Variants in TRIM61 observed in about 807,000 individuals in gnomAD.
The protein encoded by TRIM61 is putative tripartite motif-containing protein 61.
A neutral mutation model predicts 14.2 loss-of-function variants in TRIM61; 1 was observed. The ratio of observed to expected loss-of-function variants is 0.07; its 90% CI spans 0.03 to 0.33. The LOEUF (loss-of-function observed/expected upper bound fraction) is 0.33. Among genes scored for constraint, TRIM61 ranks in the 10% least tolerant of loss-of-function variants. TRIM61 has a pLI of 0.99. For missense variants in TRIM61, 19 were observed against 202.2 expected (o/e 0.09, Z 5.49); for synonymous variants, 8 against 71.6 (o/e 0.11, Z 4.49).
At chr4:164,971,139 T>C (rs1732356271) in intron 2 of TRIM61, among the ~76,000 whole-genome samples, 1 of 152,102 alleles carries the variant, frequency 6.6e-6, no homozygotes, top group East Asian at 1.9e-4. Context: ...AATATGAGAT[T>C]CTTAGTATGG....
chr4:164,975,803 G>A (rs1444343820), intron 2 of TRIM61, among the ~76,000 whole-genome samples: 4 of 152,194 alleles, frequency 2.6e-5, no homozygotes, highest in East Asian at 1.9e-4. Context: ...CCTGACACCC[G>A]TAAAGGGTCT....
At chr4:164,975,230 TA>T (rs879503925) in intron 2 of TRIM61, among the ~76,000 whole-genome samples, 439 of 133,094 alleles carry the variant, frequency 3.3e-3, no homozygotes, top group Non-Finnish European at 3.1e-3. Flanking sequence ...AACTCCATCT[TA>T]AAAAAAAAAA....
At chr4:164,957,163 T>A in intron 3 of TRIM61, 2 of 1,611,854 alleles carry the variant, frequency 1.2e-6, no homozygotes, top group Non-Finnish European at 1.7e-6. Flanking sequence ...ACAGACCTTA[T>A]ACGCTGACCG....
chr4:164,961,211 A>G (rs943898703), intron 3 of TRIM61, among the ~76,000 whole-genome samples: 1 of 139,692 alleles, frequency 7.2e-6, no homozygotes, highest in Non-Finnish European at 1.6e-5. Context: ...AAATAACAAT[A>G]ATTGATATGT....
rs2111128747 is a variant in TRIM61, at chr4:164,956,874, A to G, written c.526-1778T>C. On this transcript the variant is annotated intron_variant, in intron 3 of 4. Transcript: ENST00000329314. ...CCCCAAGCACTGCAGCGTTTCTCCC[A>G]GGAGGCTGGGCGAGTCCGTAGCGGA... The G allele has an allele frequency of 3.9e-6, 3 of 771,806 alleles. No individual in the cohort carries two copies. In the South Asian group the frequency reaches 5.6e-5, roughly 14 times the overall value. The allele number at this position is 771,806 out of a possible 1,614,324, so 47.8% of individuals were successfully genotyped here.
intron 2 of TRIM61, among the ~76,000 whole-genome samples, chr4:164,974,910 T>C (rs1384563382): frequency 6.6e-6 from 1 of 151,650 alleles, no homozygotes; most frequent in African/African-American, 2.4e-5. Context: ...TGCTCAGAGA[T>C]TGGAAAAATT....
intron 2 of TRIM61, among the ~76,000 whole-genome samples, chr4:164,976,260 C>T (rs1441518105): frequency 5.9e-5 from 9 of 152,174 alleles, no homozygotes; most frequent in African/African-American, 1.9e-4. Flanking sequence ...GTATGCTGAG[C>T]GCCGGTCCCC....
intron 3 of TRIM61, chr4:164,958,926 G>A (rs938133561): frequency 6.0e-6 from 1 of 166,986 alleles, no homozygotes; most frequent in Non-Finnish European, 1.5e-5. Flanking sequence ...TAGATAAACT[G>A]AGAATTTAGG....
intron 3 of TRIM61, chr4:164,958,404 C>T (rs1297212476): frequency 6.0e-6 from 1 of 166,974 alleles, no homozygotes; most frequent in African/African-American, 2.4e-5. Flanking sequence ...TTTTATGAAA[C>T]TACTTAGGCT....
intron 3 of TRIM61, chr4:164,957,670 A>G (rs990007071): frequency 7.6e-6 from 6 of 792,892 alleles, no homozygotes; most frequent in Non-Finnish European, 1.2e-5. Flanking sequence ...GATTTTGAGC[A>G]CTTTGTGCTT....
At position 164,970,496 on chromosome 4, in the gene TRIM61, T is replaced by TA. The variant is rs201077044; in HGVS notation, c.-337-158dup. Among the ~76,000 whole-genome samples, 952 of 142,838 alleles carry TA rather than the reference T, an allele frequency of 6.7e-3. 7 individuals carry two copies. The highest frequency in any genetic ancestry group is 0.016 in the African/African-American group (606 of 39,068). 93.7% of individuals were successfully genotyped at this position (142,838 alleles called of 152,430 possible). A position where few individuals can be genotyped will look rare whatever the true frequency, so the allele number is the denominator to read the frequency against. On this transcript the variant is annotated intron_variant, in intron 2 of 4. Transcript: ENST00000329314. ...GAGATTCACGCCATACATTACTTATTAAAAAAAAAAAAACTAAAAAATATG... is the reference window on the plus strand; with the variant it reads ...GAGATTCACGCCATACATTACTTATTAAAAAAAAAAAAAACTAAAAAATATG...
chr4:164,970,822 G>T (rs1464225744), intron 2 of TRIM61, among the ~76,000 whole-genome samples: 1 of 152,316 alleles, frequency 6.6e-6, no homozygotes, highest in East Asian at 1.9e-4. Flanking sequence ...GGAACAGGCT[G>T]GGTGTGGTGG....
chr4:164,970,783 TCAAAA>T (rs1235091244), intron 2 of TRIM61, among the ~76,000 whole-genome samples: 5 of 151,882 alleles, frequency 3.3e-5, no homozygotes, highest in African/African-American at 9.7e-5. Context: ...GATCTTGAAA[TCAAAA>T]CAAAACAAAA....
At chr4:164,976,551 T>C (rs1433437821) in intron 2 of TRIM61, 137 bp downstream of exon 2, 3 of 152,254 alleles carry the variant, frequency 2.0e-5, no homozygotes, top group Admixed American at 6.5e-5. Flanking sequence ...CTCTCCTAGA[T>C]ACACAATGGT....
At position 164,965,446 on chromosome 4, in the gene TRIM61, CTTT is replaced by C. The variant is rs70952674; in HGVS notation, c.525+4029_525+4031del. Among the ~76,000 whole-genome samples the C allele has an allele frequency of 3.2e-3, 408 of 126,278 alleles. 8 individuals carry two copies. Among genetic ancestry groups the C allele is most frequent in the Middle Eastern group, 4.7e-3 (1 of 214 alleles). 82.8% of individuals were successfully genotyped at this position (126,278 alleles called of 152,430 possible). The stretch of plus-strand genomic sequence containing the variant: ...TCATGCTTATAGAATTCTGCCTATG[CTTT>C]TTTTTTTTTTTTTTTGAGATGATAC... On this transcript the variant is annotated intron_variant, in intron 3 of 4. Coordinates refer to ENST00000329314, the MANE Select transcript of TRIM61 (RefSeq NM_001012414.3).
Position 164,968,264 on chromosome 4 carries a change from G to T in TRIM61, c.525+1214C>A. The T allele has an allele frequency of 1.0e-6, 1 of 963,900 alleles. No individual in the cohort carries two copies. The highest frequency in any genetic ancestry group is 4.8e-5 in the South Asian group (1 of 20,676). 59.7% of individuals were successfully genotyped at this position (963,900 alleles called of 1,614,324 possible). A position where few individuals can be genotyped will look rare whatever the true frequency, so the allele number is the denominator to read the frequency against. On this transcript the variant is annotated intron_variant, in intron 3 of 4. Transcript: ENST00000329314. ...AATAAAGACTTAATCTTTCTTAAAG[G>T]AAAAGTATATAAGAAATACAGAAAA...
At chr4:164,969,183 T>C (rs560559106) in intron 3 of TRIM61, 56 of 1,222,822 alleles carry the variant, frequency 4.6e-5, no homozygotes, top group African/African-American at 1.7e-4. Flanking sequence ...TAACCATATT[T>C]TTTTAATTTG....
chr4:164,974,571 C>G (rs1704246882), intron 2 of TRIM61, among the ~76,000 whole-genome samples: 1 of 152,014 alleles, frequency 6.6e-6, no homozygotes, highest in African/African-American at 2.4e-5. Flanking sequence ...AATTCTAACA[C>G]AACACTACAG....
At chr4:164,960,649 C>A (rs1008341279) in intron 3 of TRIM61, among the ~76,000 whole-genome samples, 13 of 151,846 alleles carry the variant, frequency 8.6e-5, no homozygotes. Flanking sequence ...ATATAATCTA[C>A]AAGTATAAAA....
Sources: allele counts gnomAD v4.1 joint callset (sites outside exome capture counted in the v4.1 genomes callset), GRCh38; gene constraint gnomAD v4.1.1; transcripts MANE v1.5; gene names NCBI Gene and HGNC (gene_info 2026-07-23, HGNC 2026-07-21).